The following CIART variants were observed in gnomAD, a reference collection of about 807,000 sequenced individuals.
The protein encoded by CIART is circadian-associated transcriptional repressor.
A neutral mutation model predicts 22.1 loss-of-function variants in CIART; 7 were observed. That is an observed-to-expected ratio of 0.32 (90% CI 0.18 to 0.59). CIART has a LOEUF of 0.59. CIART is among the 20% of genes least tolerant of loss of function. CIART has a pLI of 0.86. For synonymous variants in CIART, 163 were observed against 174.6 expected (o/e 0.93, Z 0.53); for missense variants, 440 against 478.0 (o/e 0.92, Z 0.74).
intron 4 of CIART, chr1:150,285,042 A>T: frequency 3.4e-6 from 1 of 290,454 alleles, no homozygotes; most frequent in Non-Finnish European, 6.5e-6. Context: ...CTCTCTGCAA[A>T]CTCTTTTTTC....
chr1:150,285,570 A>T (rs1653446393), intron 4 of CIART: 1 of 155,860 alleles, frequency 6.4e-6, no homozygotes. Context: ...TTCTGTCCTC[A>T]AATAATAGGG....
Position 150,283,140 on chromosome 1 carries a change from C to A in CIART, c.-128C>A. On this transcript the variant is annotated 5_prime_UTR_variant, in exon 1 of 5. Coordinates refer to ENST00000290363, the MANE Select transcript of CIART (RefSeq NM_144697.4). ...AACAAGTATTATCCCACGCAGTACA[C>A]CCCAATCTCCCAGTTCATTTCCTAA... 9.9e-7 allele frequency: 1 copy of A among 1,009,196 alleles called. No individual in the cohort carries two copies. Among genetic ancestry groups the A allele is most frequent in the Non-Finnish European group, 1.4e-6 (1 of 709,252 alleles). The allele number at this position is 1,009,196 out of a possible 1,614,324, so 62.5% of individuals were successfully genotyped here.
At chr1:150,284,739 G>A (rs1553854287) in intron 4 of CIART, 31 bp downstream of exon 4, 1 of 1,506,732 alleles carries the variant, frequency 6.6e-7, no homozygotes, top group South Asian at 1.2e-5. Context: ...GGAAGAGGTG[G>A]GAAAATAGCC....
chr1:150,283,616 C>T lies in CIART; in HGVS notation c.349C>T (p.Leu117=). ...NTQGCTTEGD[L]LFAQKCKELQ... ...CCAAGGTTGTACCACAGAGGGAGAC[C>T]TGCTGTTTGCCCAGAAGGTAAGAGA... is the stretch of plus-strand genomic sequence containing the variant. Residue 117 remains leucine (L), a synonymous_variant, in exon 1 of 5, where the codon CTG becomes TTG. Coordinates refer to ENST00000290363, the MANE Select transcript of CIART (RefSeq NM_144697.4). The T allele has an allele frequency of 6.2e-7, 1 of 1,613,662 alleles. No homozygotes were observed.
At chr1:150,284,003 T>TTTATTATTATTA (rs57585190) in intron 2 of CIART, 123 bp downstream of exon 2, 9,703 of 489,850 alleles carry the variant, frequency 0.02, 185 homozygotes, top group Admixed American at 0.028. Context: ...CTACTATGAC[T>TTTATTATTATTA]TTATTATTAT....
Position 150,283,892 on chromosome 1 carries a change from G to A in CIART, c.442+12G>A. On this transcript the variant is annotated intron_variant, in intron 2 of 4. Transcript: ENST00000290363. ...TCGTTTTGAGAGAGGTAATCTTATT[G>A]TTGCATTCATTTGGGCTAGGTTCAT... is the stretch of plus-strand genomic sequence containing the variant. The A allele has an allele frequency of 3.9e-6, 6 of 1,543,146 alleles. No individual in the cohort carries two copies. Among genetic ancestry groups the A allele is most frequent in the Non-Finnish European group, 5.4e-6 (6 of 1,116,586 alleles).
intron 2 of CIART, among the ~76,000 whole-genome samples, chr1:150,284,211 G>A (rs988705233): frequency 1.3e-5 from 2 of 151,930 alleles, no homozygotes; most frequent in Non-Finnish European, 2.9e-5. Context: ...TAGAGATGGG[G>A]TTTCGCTATG....
At chr1:150,283,784 C>G in intron 1 of CIART, 21 bp from the exon 2 acceptor site, 1 of 1,560,440 alleles carries the variant, frequency 6.4e-7, no homozygotes, top group Non-Finnish European at 8.8e-7. Context: ...TTCTTACAGC[C>G]TTTGTCCTAT....
At chr1:150,284,943 C>T in intron 4 of CIART, 1 of 553,816 alleles carries the variant, frequency 1.8e-6, no homozygotes, top group Non-Finnish European at 3.2e-6. Context: ...TTAATCCTAT[C>T]CCTCATGCCA....
intron 2 of CIART, 21 bp downstream of exon 2, chr1:150,283,901 A>C: frequency 6.5e-7 from 1 of 1,527,032 alleles, no homozygotes; most frequent in Admixed American, 1.7e-5. Flanking sequence ...TGTTGCATTC[A>C]TTTGGGCTAG....
At chr1:150,284,338 CA>C (rs1553854212) in intron 2 of CIART, 87 bp from the exon 3 acceptor site, 10 of 1,278,678 alleles carry the variant, frequency 7.8e-6, no homozygotes, top group Non-Finnish European at 1.1e-5. Flanking sequence ...TTTTTTAGAT[CA>C]ATCAATTTTA....
rs1172122390 is a variant in CIART at position 150,282,973 on chromosome 1, A to T, written c.-295A>T. On this transcript the variant is annotated 5_prime_UTR_variant, in exon 1 of 5. Transcript: ENST00000290363. ...GTCGGTATTTACTCTGAACTGAGGG[A>T]AGAAAAGAACGGAGGCCGCGTCAGA... 1 of 198,484 alleles carries T rather than the reference A, an allele frequency of 5.0e-6. No homozygotes were observed. The highest frequency in any genetic ancestry group is 5.7e-5 in the Admixed American group (1 of 17,694). 12.3% of individuals were successfully genotyped at this position (198,484 alleles called of 1,614,324 possible). A position where few individuals can be genotyped will look rare whatever the true frequency, so the allele number is the denominator to read the frequency against.
chr1:150,283,683 A>C (rs199853192), intron 1 of CIART, 50 bp downstream of exon 1: 2 of 1,596,010 alleles, frequency 1.3e-6, no homozygotes, highest in African/African-American at 1.3e-5. Context: ...CTTAGCACCC[A>C]GCTGGTTGAT....
chr1:150,284,320 G>T, intron 2 of CIART, 106 bp from the exon 3 acceptor site: 3 of 1,144,228 alleles, frequency 2.6e-6, no homozygotes, highest in Admixed American at 3.6e-5. Flanking sequence ...TGCCTGGCCC[G>T]ACTTAATTTT....
Position 150,283,562 on chromosome 1 carries a change from G to T in CIART, c.295G>T (p.Asp99Tyr). ...AGGATCTGGGGCGAAAAGATCAAGA[G>T]ATGGTGAACTGGAGACCAGTCTAAA... ...MAGSGAKRSR[D>Y]GELETSLNTQ... The change falls in exon 1 of 5, where the codon GAT becomes TAT. Residue 99 changes from aspartate to tyrosine, a missense_variant. Coordinates refer to ENST00000290363, the MANE Select transcript of CIART (RefSeq NM_144697.4). 6.2e-7 allele frequency: 1 copy of T among 1,614,184 alleles called. No individual in the cohort carries two copies.
At position 150,286,802 on chromosome 1, in the gene CIART, T is replaced by A. The variant is rs1653519539; in HGVS notation, c.1006T>A (p.Tyr336Asn). The change falls in exon 5 of 5, where the codon TAC (tyrosine) becomes AAC (asparagine). Residue 336 changes from tyrosine (Y) to asparagine (N), a missense_variant. By Grantham distance (143) the Tyr-to-Asn change is moderately radical. Transcript: ENST00000290363. Reference protein sequence around the residue: ...MKLSGEGPRCYSLPVTLPSDW... With the variant: ...MKLSGEGPRCNSLPVTLPSDW... Reference sequence around the variant, plus strand: ...ACTATCTGGAGAGGGTCCTCGTTGCTACAGTTTGCCAGTAACTCTGCCATC... The same window carrying A: ...ACTATCTGGAGAGGGTCCTCGTTGCAACAGTTTGCCAGTAACTCTGCCATC... 1.2e-6 allele frequency: 2 copies of A among 1,613,814 alleles called. No individual in the cohort carries two copies. The highest frequency in any genetic ancestry group is 1.7e-6 in the Non-Finnish European group (2 of 1,179,748).
At position 150,286,825 on chromosome 1, in the gene CIART, A is replaced by T. The variant is rs782649652; in HGVS notation, c.1029A>T (p.Pro343=). 1.7e-5 allele frequency: 27 copies of T among 1,613,592 alleles called. No individual in the cohort carries two copies. Among genetic ancestry groups the T allele is most frequent in the South Asian group, 8.8e-5 (8 of 91,064 alleles). ...PRCYSLPVTL[P]SDWSYTLSPP... is the part of the protein sequence containing the mutation. ...GCTACAGTTTGCCAGTAACTCTGCC[A>T]TCAGACTGGAGCTATACCCTATCCC... Residue 343 remains proline, a synonymous_variant, in exon 5 of 5, where the codon CCA becomes CCT. Transcript: ENST00000290363.
At position 150,283,440 on chromosome 1, in the gene CIART, G is replaced by A; in HGVS notation, c.173G>A (p.Ser58Asn). 6.2e-7 allele frequency: 1 copy of A among 1,614,220 alleles called. No individual in the cohort carries two copies. Among genetic ancestry groups the A allele is most frequent in the Non-Finnish European group, 8.5e-7 (1 of 1,180,028 alleles). Residue 58 changes from serine to asparagine, a missense_variant, in exon 1 of 5, where the codon AGC (serine) becomes AAC (asparagine). Ser to Asn is a conservative substitution (Grantham distance 46). Transcript: ENST00000290363. Reference sequence around the variant, plus strand: ...GGGCAGAGGGGAGGTTCACGGCCCAGCCCGGGTCCTATCCGCTGCAGGCAT... The same window carrying A: ...GGGCAGAGGGGAGGTTCACGGCCCAACCCGGGTCCTATCCGCTGCAGGCAT... ...TVGQRGGSRP[S>N]PGPIRCRHRS...
In CIART at chr1:150,283,832, C is replaced by T; in HGVS notation, c.394C>T (p.Pro132Ser). 1 of 1,596,528 alleles carries T rather than the reference C, an allele frequency of 6.3e-7. No homozygotes were observed. Among genetic ancestry groups the T allele is most frequent in the Non-Finnish European group, 8.6e-7 (1 of 1,164,420 alleles). The change falls in exon 2 of 5, where the codon CCT (proline) becomes TCT (serine). Residue 132 changes from proline to serine, a missense_variant. Coordinates refer to ENST00000290363, the MANE Select transcript of CIART (RefSeq NM_144697.4). The part of the protein sequence containing the change: ...KCKELQGFIP[P>S]LTDLLNGLKM... ...TAAAGAACTCCAAGGATTTATACCT[C>T]CTCTCACAGACCTACTCAATGGGCT...
Sources: allele counts gnomAD v4.1 joint callset (sites outside exome capture counted in the v4.1 genomes callset), GRCh38; gene constraint gnomAD v4.1.1; transcripts MANE v1.5; gene names NCBI Gene and HGNC (gene_info 2026-07-23, HGNC 2026-07-21).